MYO1D: variants seen among roughly 807,000 people sequenced by gnomAD.
MYO1D encodes unconventional myosin-Id.
Under a neutral mutation model 122.0 loss-of-function variants are expected in MYO1D, and 83 were observed. The ratio of observed to expected loss-of-function variants is 0.68; its 90% confidence interval spans 0.57 to 0.82. The LOEUF (loss-of-function observed/expected upper bound fraction) is 0.82, where lower values mean the gene tolerates loss of function less well. Among genes scored for constraint, MYO1D ranks in the 40% least tolerant of loss-of-function variants. The probability of loss-of-function intolerance (pLI) is 0.00; values close to 1 mark genes in which losing one functional copy is unlikely to be tolerated. For synonymous variants in MYO1D, 464 were observed against 446.9 expected (o/e 1.04, Z -0.48); for missense variants, 1,157 against 1,269.5 (o/e 0.91, Z 1.35).
intron 21 of MYO1D, among the ~76,000 whole-genome samples, chr17:32,532,407 G>C (rs976463466): frequency 6.6e-6 from 1 of 151,586 alleles, no homozygotes; most frequent in African/African-American, 2.4e-5. Flanking sequence ...CCTTAAAAGA[G>C]GTGCCCTTAG....
At position 32,712,201 on chromosome 17, in the gene MYO1D, T is replaced by A. The variant is rs776348288; in HGVS notation, c.1914-6A>T. ...ATTCAGAGATCATCTTATACCTGGA[T>A]GAAAAAAAGAAACAGGGTTAAGGGA... On this transcript the variant is annotated splice_region_variant and splice_polypyrimidine_tract_variant and intron_variant, in intron 15 of 21. Coordinates refer to ENST00000318217, the MANE Select transcript of MYO1D (RefSeq NM_015194.3). 1.2e-6 allele frequency: 2 copies of A among 1,608,342 alleles called. No individual in the cohort carries two copies.
intron 16 of MYO1D, among the ~76,000 whole-genome samples, chr17:32,708,993 C>T (rs1376217707): frequency 6.6e-6 from 1 of 152,158 alleles, no homozygotes; most frequent in Non-Finnish European, 1.5e-5. Flanking sequence ...GCCCTAGTAG[C>T]ACACCTGGAA....
At chr17:32,541,450 G>A (rs1447290140) in intron 21 of MYO1D, among the ~76,000 whole-genome samples, 2 of 152,092 alleles carry the variant, frequency 1.3e-5, no homozygotes, top group Admixed American at 6.6e-5. Flanking sequence ...AGAGAATGGG[G>A]GTGACTGCCA....
intron 1 of MYO1D, among the ~76,000 whole-genome samples, chr17:32,844,995 A>T (rs2090922131): frequency 6.6e-6 from 1 of 151,980 alleles, no homozygotes; most frequent in East Asian, 1.9e-4. Flanking sequence ...AAAAAAATGC[A>T]GCTTAAGGCA....
intron 21 of MYO1D, among the ~76,000 whole-genome samples, chr17:32,495,377 G>A (rs1464308366): frequency 6.6e-6 from 1 of 152,256 alleles, no homozygotes; most frequent in African/African-American, 2.4e-5. Flanking sequence ...GGTGGAAGTG[G>A]GCCTGACTTG....
intron 16 of MYO1D, among the ~76,000 whole-genome samples, chr17:32,678,483 C>T (rs996701777): frequency 6.8e-6 from 1 of 147,756 alleles, no homozygotes; most frequent in Non-Finnish European, 1.5e-5. Flanking sequence ...TGTTCAATTC[C>T]CACCTATGAG....
At chr17:32,822,640 T>C (rs1156253401) in intron 1 of MYO1D, among the ~76,000 whole-genome samples, 1 of 147,748 alleles carries the variant, frequency 6.8e-6, no homozygotes, top group Non-Finnish European at 1.5e-5. Flanking sequence ...TCCCGGGGGG[T>C]GGCCGCGCGG....
Position 32,745,303 on chromosome 17 carries a change from C to T in MYO1D, c.1539-18G>A, listed in dbSNP as rs376998897. 6 of 1,470,014 alleles carry T rather than the reference C, an allele frequency of 4.1e-6. No homozygotes were observed. Among genetic ancestry groups the T allele is most frequent in the Non-Finnish European group, 4.7e-6 (5 of 1,065,636 alleles). The allele number at this position is 1,470,014 out of a possible 1,614,324, so 91.1% of individuals were successfully genotyped here. A position where few individuals can be genotyped will look rare whatever the true frequency, so the allele number is the denominator to read the frequency against. On this transcript the variant is annotated intron_variant, in intron 12 of 21. Coordinates refer to ENST00000318217, the MANE Select transcript of MYO1D (RefSeq NM_015194.3). ...CAGAATAGCTAACAGGGAAAAATCA[C>T]AGAAAACATGTATCATTTACCAAGC...
chr17:32,608,613 A>G (rs2150916568), intron 20 of MYO1D, among the ~76,000 whole-genome samples: 1 of 152,342 alleles, frequency 6.6e-6, no homozygotes, highest in African/African-American at 2.4e-5. Context: ...AATTAAATGG[A>G]AAATTACCAC....
intron 1 of MYO1D, among the ~76,000 whole-genome samples, chr17:32,828,372 C>T (rs928192664): frequency 3.3e-5 from 5 of 151,888 alleles, no homozygotes; most frequent in African/African-American, 4.8e-5. Flanking sequence ...AAAAATTAGC[C>T]GGGCATAGTG....
At position 32,591,856 on chromosome 17, in the gene MYO1D, G is replaced by A. The variant is rs1226478555; in HGVS notation, c.2864+13231C>T. Among the ~76,000 whole-genome samples, 3 of 152,242 alleles carry A rather than the reference G, an allele frequency of 2.0e-5. No homozygotes were observed. In the East Asian group the frequency reaches 5.8e-4, roughly 29 times the overall value. On this transcript the variant is annotated intron_variant, in intron 21 of 21. Transcript: ENST00000318217. ...GGAGGGTCTGATTTAGAGGGCCTGGGATGGGCCCGGGGAGCTGCCTTTTGA... is the reference window on the plus strand; with the variant it reads ...GGAGGGTCTGATTTAGAGGGCCTGGAATGGGCCCGGGGAGCTGCCTTTTGA...
intron 21 of MYO1D, among the ~76,000 whole-genome samples, chr17:32,533,473 ATT>A (rs1198032092): frequency 3.3e-5 from 5 of 152,156 alleles, no homozygotes; most frequent in Admixed American, 3.3e-4. Flanking sequence ...CACCTGAAGC[ATT>A]TTAACAGCTG....
chr17:32,575,428 C>T (rs1218137797), intron 21 of MYO1D, among the ~76,000 whole-genome samples: 1 of 152,112 alleles, frequency 6.6e-6, no homozygotes, highest in Non-Finnish European at 1.5e-5. Context: ...ATTAGTGAGG[C>T]TTTATTGAAA....
chr17:32,532,335 A>G (rs994529200), intron 21 of MYO1D, among the ~76,000 whole-genome samples: 3 of 152,272 alleles, frequency 2.0e-5, no homozygotes, highest in African/African-American at 7.2e-5. Flanking sequence ...CAATTCAGAA[A>G]TTAAAATATT....
chr17:32,507,237 C>T (rs1909530754), intron 21 of MYO1D, among the ~76,000 whole-genome samples: 1 of 150,110 alleles, frequency 6.7e-6, no homozygotes, highest in South Asian at 2.1e-4. Context: ...CCTGTCTTTA[C>T]AAAAAATAAA....
chr17:32,691,571 T>C lies in MYO1D; in HGVS notation c.2121+20417A>G, dbSNP rs1598012834. On this transcript the variant is annotated intron_variant, in intron 16 of 21. Coordinates refer to ENST00000318217, the MANE Select transcript of MYO1D (RefSeq NM_015194.3). ...ACAGGCGCCTGCCCCTATGCCCGGT[T>C]AATTTTTGTATTTTTAGTTGAGACA... 2.0e-5 allele frequency among the ~76,000 whole-genome samples: 3 copies of C among 151,960 alleles called. No individual in the cohort carries two copies. The East Asian group carries it at 5.8e-4, about 29-fold the overall frequency.
At chr17:32,870,789 C>T (rs2091172381) in intron 1 of MYO1D, among the ~76,000 whole-genome samples, 1 of 152,070 alleles carries the variant, frequency 6.6e-6, no homozygotes, top group African/African-American at 2.4e-5. Context: ...TGCACCTTCC[C>T]CTTCCAAAGC....
Position 32,686,741 on chromosome 17 carries a change from T to C in MYO1D, c.2121+25247A>G, listed in dbSNP as rs1368436081. On this transcript the variant is annotated intron_variant, in intron 16 of 21. Transcript: ENST00000318217. The stretch of plus-strand genomic sequence containing the variant: ...AATAGCTGAGGTGGTGGTACACACC[T>C]GTAGTCCCAGCTACTTGGGAGGCTG... Among the ~76,000 whole-genome samples the C allele has an allele frequency of 3.3e-5, 5 of 152,198 alleles. No individual in the cohort carries two copies. In the East Asian group the frequency reaches 9.6e-4, roughly 29 times the overall value.
intron 21 of MYO1D, chr17:32,504,825 C>A (rs1319307149): frequency 6.6e-6 from 1 of 152,252 alleles, no homozygotes; most frequent in African/African-American, 2.4e-5. Flanking sequence ...ATCCTCTTGG[C>A]CCCCTCCCTC....
Sources: gnomAD v4.1 joint callset for allele counts (sites outside exome capture counted in the v4.1 genomes callset) on GRCh38, gnomAD v4.1.1 for gene constraint, MANE v1.5 for transcripts, NCBI Gene and HGNC (gene_info 2026-07-23, HGNC 2026-07-21) for gene names.